LRP2BP: variants seen among roughly 807,000 people sequenced by gnomAD.
LRP2BP encodes LRP2-binding protein.
LRP2BP carries 38 observed loss-of-function variants against 45.2 expected under a neutral mutation model. The observed-to-expected ratio is 0.84, with a 90% confidence interval of 0.65 to 1.10. The LOEUF (loss-of-function observed/expected upper bound fraction) is 1.10. Ranked by LOEUF, LRP2BP falls within the 50% of genes least tolerant of loss-of-function variation. The pLI is 0.00. For synonymous variants in LRP2BP, 153 were observed against 153.9 expected (o/e 0.99, Z 0.04); for missense variants, 385 against 418.9 (o/e 0.92, Z 0.71).
chr4:185,375,299 C>A (rs10015887), intron 4 of LRP2BP, among the ~76,000 whole-genome samples: 48,038 of 146,138 alleles, frequency 0.33, 8,909 homozygotes, highest in African/African-American at 0.52. Context: ...TCTACTAAAA[C>A]TACAAAAATT....
chr4:185,388,542 G>A (rs1197886966), intron 1 of LRP2BP, among the ~76,000 whole-genome samples: 1 of 134,884 alleles, frequency 7.4e-6, no homozygotes, highest in Non-Finnish European at 1.6e-5. Flanking sequence ...ATCTATCTAG[G>A]ACTTCTAGTA....
chr4:185,375,991 G>C (rs538909585), intron 3 of LRP2BP, among the ~76,000 whole-genome samples: 4 of 152,308 alleles, frequency 2.6e-5, no homozygotes, highest in African/African-American at 9.6e-5. Context: ...GAGAGAGTAA[G>C]TGGGATATAG....
intron 1 of LRP2BP, among the ~76,000 whole-genome samples, chr4:185,379,781 G>A (rs919112056): frequency 6.6e-6 from 1 of 152,036 alleles, no homozygotes; most frequent in Non-Finnish European, 1.5e-5. Context: ...CAGGTAAGCA[G>A]AACAGCTGGC....
chr4:185,378,618 C>T (rs561031919), intron 1 of LRP2BP: 148 of 989,962 alleles, frequency 1.5e-4, no homozygotes, highest in Admixed American at 3.6e-4. Flanking sequence ...GAATCCATTT[C>T]AAATTAAAGC....
intron 1 of LRP2BP, among the ~76,000 whole-genome samples, chr4:185,380,245 A>G (rs1054347681): frequency 1.3e-5 from 2 of 152,178 alleles, no homozygotes; most frequent in African/African-American, 4.8e-5. Context: ...TTAGCTCCCA[A>G]ACATTCTCAG....
chr4:185,378,810 G>T (rs1186647589), intron 1 of LRP2BP: 2 of 985,292 alleles, frequency 2.0e-6, no homozygotes, highest in East Asian at 1.1e-4. Context: ...CTAGGCTGAG[G>T]GTAGTGAGAC....
chr4:185,376,643 T>C (rs1049788257), intron 3 of LRP2BP, among the ~76,000 whole-genome samples: 1 of 152,086 alleles, frequency 6.6e-6, no homozygotes, highest in Non-Finnish European at 1.5e-5. Flanking sequence ...ATATAAAAAT[T>C]TGATTTTTAA....
intron 1 of LRP2BP, chr4:185,378,548 ACAGT>A (rs904376220): frequency 9.7e-6 from 10 of 1,033,738 alleles, no homozygotes; most frequent in Non-Finnish European, 7.0e-6. Context: ...GACACTGCCC[ACAGT>A]CAGAGCTCTT....
At chr4:185,382,381 C>T (rs1437821748) in intron 1 of LRP2BP, among the ~76,000 whole-genome samples, 1 of 152,092 alleles carries the variant, frequency 6.6e-6, no homozygotes, top group Non-Finnish European at 1.5e-5. Flanking sequence ...GGGTATGTAC[C>T]TAGGAGTGGA....
In LRP2BP at chr4:185,374,325, G is replaced by A; in HGVS notation, c.467C>T (p.Ala156Val). Residue 156 changes from alanine (A) to valine (V), a missense_variant, in exon 5 of 9, where the codon GCT (alanine) becomes GTT (valine). Physicochemically the swap from Ala to Val is moderately conservative, Grantham distance 64. Coordinates refer to ENST00000505916, the MANE Select transcript of LRP2BP (RefSeq NM_001377440.1). ...TGTTCTCAGGTAGGATTACCTTTCA[G>A]CTTCCTCATTTGATCGTTTAACACC... ...GKGVKRSNEE[A>V]ERLWLIAADN... is the part of the protein sequence containing the mutation. The A allele has an allele frequency of 6.2e-7, 1 of 1,614,010 alleles. No homozygotes were observed. The highest frequency in any genetic ancestry group is 8.5e-7 in the Non-Finnish European group (1 of 1,179,974).
chr4:185,371,614 T>C (rs1452486267), intron 7 of LRP2BP, among the ~76,000 whole-genome samples: 3 of 151,178 alleles, frequency 2.0e-5, no homozygotes, highest in African/African-American at 7.3e-5. Flanking sequence ...TATGTACAAT[T>C]GTGTGAGAAT....
chr4:185,396,495 G>GC (rs2095503416), upstream of LRP2BP: 1 of 171,394 alleles, frequency 5.8e-6, no homozygotes, highest in Non-Finnish European at 1.2e-5. Context: ...CGGCCGCGGA[G>GC]CCCCACCCGC....
At chr4:185,381,292 T>C (rs998719122) in intron 1 of LRP2BP, among the ~76,000 whole-genome samples, 1 of 152,248 alleles carries the variant, frequency 6.6e-6, no homozygotes, top group Non-Finnish European at 1.5e-5. Flanking sequence ...TGTATTACAT[T>C]GTGTGAATAT....
intron 1 of LRP2BP, 149 bp from the exon 2 acceptor site, chr4:185,378,356 A>T: frequency 7.0e-7 from 1 of 1,429,830 alleles, no homozygotes; most frequent in Non-Finnish European, 9.1e-7. Flanking sequence ...CAGGACGTGA[A>T]CATTCTTTAC....
At chr4:185,387,977 G>A (rs1044143300) in intron 1 of LRP2BP, among the ~76,000 whole-genome samples, 4 of 152,192 alleles carry the variant, frequency 2.6e-5, no homozygotes, top group African/African-American at 4.8e-5. Flanking sequence ...GCTGTGTGAC[G>A]AGCCCTCGAC....
At chr4:185,370,497 A>G in intron 8 of LRP2BP, 143 bp downstream of exon 8, 1 of 752,578 alleles carries the variant, frequency 1.3e-6, no homozygotes, top group Non-Finnish European at 2.1e-6. Context: ...AACAATCTGC[A>G]TGTCTGACAG....
intron 1 of LRP2BP, among the ~76,000 whole-genome samples, chr4:185,392,658 T>G (rs2095491247): frequency 6.7e-6 from 1 of 149,408 alleles, no homozygotes; most frequent in Admixed American, 6.6e-5. Context: ...TATAACCTTC[T>G]GTCTTTGAAA....
Position 185,387,003 on chromosome 4 carries a change from TG to T in LRP2BP, c.-22+7775del, listed in dbSNP as rs565723836. 9.8e-4 allele frequency among the ~76,000 whole-genome samples: 149 copies of T among 152,318 alleles called. 1 individual carries two copies. The Middle Eastern group carries it at 0.014, about 14-fold the overall frequency. ...GCTCATGCCTGTAATCCCAGCACTTTGGGAGGCCAAGGTGGGCAGATCACCT... is the reference window on the plus strand; with the variant it reads ...GCTCATGCCTGTAATCCCAGCACTTTGGAGGCCAAGGTGGGCAGATCACCT... On this transcript the variant is annotated intron_variant, in intron 1 of 8. Transcript: ENST00000505916.
At position 185,366,945 on chromosome 4, in the gene LRP2BP, T is replaced by G. The variant is rs1400581987; in HGVS notation, c.*235A>C. 2.3e-6 allele frequency: 1 copy of G among 427,444 alleles called. No homozygotes were observed. The highest frequency in any genetic ancestry group is 3.9e-5 in the East Asian group (1 of 25,692). The allele number at this position is 427,444 out of a possible 1,614,324, so 26.5% of individuals were successfully genotyped here. On this transcript the variant is annotated 3_prime_UTR_variant, in exon 9 of 9. Coordinates refer to ENST00000505916, the MANE Select transcript of LRP2BP (RefSeq NM_001377440.1). ...TAATACTTGATATGGTCTCGGCCAG[T>G]CTGTAGGGTAAGAGGTGGACCTCTG...
Sources: allele counts gnomAD v4.1 joint callset (sites outside exome capture counted in the v4.1 genomes callset), GRCh38; gene constraint gnomAD v4.1.1; transcripts MANE v1.5; gene names NCBI Gene and HGNC (gene_info 2026-07-23, HGNC 2026-07-21).